FER1L6: variants seen among roughly 807,000 people sequenced by gnomAD.
The protein encoded by FER1L6 is fer-1 like family member 6.
Under a neutral mutation model 219.2 loss-of-function variants are expected in FER1L6, and 177 were observed. The ratio of observed to expected loss-of-function variants is 0.81; its 90% CI spans 0.71 to 0.91. The LOEUF (loss-of-function observed/expected upper bound fraction) is 0.91. Among genes scored for constraint, FER1L6 ranks in the 40% least tolerant of loss-of-function variants. The probability of loss-of-function intolerance (pLI) is 0.00; values close to 1 mark genes in which losing one functional copy is unlikely to be tolerated. For missense variants in FER1L6, 2,153 were observed against 2,259.9 expected, an observed-to-expected ratio of 0.95 and a Z score of 0.96; for synonymous variants, 768 against 824.3, an observed-to-expected ratio of 0.93 and a Z score of 1.17.
rs574922509 is a variant in FER1L6 at position 124,071,363 on chromosome 8, G to A, written c.3967-143G>A. The A allele has an allele frequency of 5.3e-4, 522 of 986,796 alleles. 8 individuals are homozygous for A. In the South Asian group the frequency reaches 7.8e-3, roughly 15 times the overall value. 61.1% of individuals were successfully genotyped at this position (986,796 alleles called of 1,614,324 possible). On this transcript the variant is annotated intron_variant, in intron 30 of 40. Transcript: ENST00000522917. ...CAAGCAGGCTACATAAATTGCCCAA[G>A]GACACCCAACTGGCAAGTTTAGCAC...
chr8:124,049,866 C>T (rs1162859086), intron 22 of FER1L6, 110 bp downstream of exon 22: 1 of 1,129,424 alleles, frequency 8.9e-7, no homozygotes, highest in African/African-American at 1.5e-5. Flanking sequence ...CGCTGCAATC[C>T]CACATCTGAA....
intron 6 of FER1L6, among the ~76,000 whole-genome samples, chr8:123,972,919 C>A (rs1488333034): frequency 2.0e-5 from 3 of 152,208 alleles, no homozygotes; most frequent in Non-Finnish European, 2.9e-5. Flanking sequence ...TGTAACCAAG[C>A]CAGGCCCTCT....
intron 39 of FER1L6, among the ~76,000 whole-genome samples, chr8:124,109,695 C>A (rs1352447617): frequency 1.3e-5 from 2 of 152,146 alleles, no homozygotes; most frequent in African/African-American, 2.4e-5. Context: ...GTTGCTCCTT[C>A]AGCAGTTCAT....
intron 31 of FER1L6, among the ~76,000 whole-genome samples, chr8:124,075,391 T>C (rs933199652): frequency 6.6e-6 from 1 of 152,200 alleles, no homozygotes; most frequent in African/African-American, 2.4e-5. Flanking sequence ...AATATCACTG[T>C]GTTCTACCTC....
chr8:124,065,968 C>T (rs1820814053), intron 26 of FER1L6, among the ~76,000 whole-genome samples: 1 of 152,198 alleles, frequency 6.6e-6, no homozygotes, highest in South Asian at 2.1e-4. Flanking sequence ...TGTACTTAAT[C>T]CTCAGAACAG....
intron 1 of FER1L6, among the ~76,000 whole-genome samples, chr8:123,885,616 GA>G (rs1208941198): frequency 2.0e-5 from 3 of 152,152 alleles, no homozygotes; most frequent in African/African-American, 7.2e-5. Flanking sequence ...CACAGATGAG[GA>G]AACTGAGCCA....
At position 123,852,469 on chromosome 8, in the gene FER1L6, TGC is replaced by T. The variant is rs1167227362; in HGVS notation, c.-8+286_-8+287del. 2.8e-5 allele frequency among the ~76,000 whole-genome samples: 3 copies of T among 107,208 alleles called. No homozygotes were observed. Among genetic ancestry groups the T allele is most frequent in the Non-Finnish European group, 5.7e-5 (3 of 53,060 alleles). 70.3% of individuals were successfully genotyped at this position (107,208 alleles called of 152,430 possible). Reference sequence around the variant, plus strand: ...TTGCTTGAACTCCATGTTGTGAGCATGCGTGTGTGTGTGTGTGTGTGTGTGTG... The same window carrying T: ...TTGCTTGAACTCCATGTTGTGAGCATGTGTGTGTGTGTGTGTGTGTGTGTG... On this transcript the variant is annotated intron_variant, in intron 1 of 40. Transcript: ENST00000522917. This position sits in a 1 kb window ranked among gnomAD's most constrained non-coding sequence, Gnocchi z 4.9.
At position 124,045,845 on chromosome 8, in the gene FER1L6, G is replaced by GTC; in HGVS notation, c.2668_2669insTC (p.Glu890ValfsTer9). 1.9e-6 allele frequency: 3 copies of GTC among 1,614,104 alleles called. No individual in the cohort carries two copies. The highest frequency in any genetic ancestry group is 2.5e-6 in the Non-Finnish European group (3 of 1,180,014). On this transcript the variant is annotated frameshift_variant, in exon 21 of 41. Transcript: ENST00000522917. LOFTEE classifies it high-confidence loss of function. ...TTTGGTGCTGCATGGAGATGTGAAG[G>GTC]AGCTGGCAGAGTCCCCGCCCTTAGT...
At chr8:123,898,135 AAAT>A (rs1287360871) in intron 1 of FER1L6, among the ~76,000 whole-genome samples, 2 of 152,188 alleles carry the variant, frequency 1.3e-5, no homozygotes, top group African/African-American at 4.8e-5. Context: ...TTAAGTGTAA[AAAT>A]AAAAAATCAG....
At position 124,069,489 on chromosome 8, in the gene FER1L6, C is replaced by CAGGCATCT; in HGVS notation, c.3834+15_3834+22dup. On this transcript the variant is annotated intron_variant, in intron 29 of 40. Transcript: ENST00000522917. ...GCCATCTTGCAGGTATGTGGGGACA[C>CAGGCATCT]AGGCATCTCTGCCATGGATGGGGAG... The CAGGCATCT allele has an allele frequency of 6.3e-7, 1 of 1,581,592 alleles. No homozygotes were observed. Among genetic ancestry groups the CAGGCATCT allele is most frequent in the Non-Finnish European group, 8.6e-7 (1 of 1,157,562 alleles).
At chr8:124,051,485 C>T (rs1820025442) in intron 22 of FER1L6, among the ~76,000 whole-genome samples, 1 of 152,102 alleles carries the variant, frequency 6.6e-6, no homozygotes, top group Admixed American at 6.6e-5. Flanking sequence ...CTGGGTTTCA[C>T]CTGCAAAATG....
Position 124,103,205 on chromosome 8 carries a change from G to C in FER1L6, c.5185G>C (p.Asp1729His). 2.5e-6 allele frequency: 4 copies of C among 1,614,116 alleles called. No individual in the cohort carries two copies. The South Asian group carries it at 3.3e-5, about 13-fold the overall frequency. Residue 1729 changes from aspartate (D) to histidine (H), a missense_variant, in exon 39 of 41, where the codon GAT (aspartate) becomes CAT (histidine). Coordinates refer to ENST00000522917, the MANE Select transcript of FER1L6 (RefSeq NM_001039112.2). ...PRAAKSAKAC[D>H]LAKFENASEE... is the part of the protein sequence containing the mutation. ...AGCAGCTAAGTCTGCCAAAGCCTGT[G>C]ATCTTGCCAAGTTTGAAAATGCAAG...
At chr8:124,104,749 CTATTA>C (rs1822693845) in intron 39 of FER1L6, among the ~76,000 whole-genome samples, 1 of 152,110 alleles carries the variant, frequency 6.6e-6, no homozygotes, top group Admixed American at 6.5e-5. Context: ...ATAATAGCAG[CTATTA>C]TATTTTATAT....
intron 1 of FER1L6, among the ~76,000 whole-genome samples, chr8:123,913,338 A>G (rs534240497): frequency 4.8e-4 from 73 of 152,258 alleles, no homozygotes; most frequent in African/African-American, 1.5e-3. Context: ...TTATTCACAC[A>G]CACACATATA....
intron 35 of FER1L6, among the ~76,000 whole-genome samples, chr8:124,096,548 C>T (rs1822301774): frequency 6.6e-6 from 1 of 152,322 alleles, no homozygotes. Context: ...ATGGAATCCA[C>T]AGGGCTTCTC....
At chr8:123,952,903 T>G (rs981941483) in intron 1 of FER1L6, among the ~76,000 whole-genome samples, 1 of 152,228 alleles carries the variant, frequency 6.6e-6, no homozygotes, top group African/African-American at 2.4e-5. Context: ...ACAAACATTG[T>G]TTTCTATTTT....
intron 3 of FER1L6, 49 bp from the exon 4 acceptor site, chr8:123,965,958 T>G: frequency 2.1e-6 from 3 of 1,448,510 alleles, no homozygotes; most frequent in Non-Finnish European, 2.9e-6. Flanking sequence ...TCATGACTTA[T>G]GGATATTCTT....
chr8:123,963,046 A>G (rs1310641092), intron 2 of FER1L6, among the ~76,000 whole-genome samples: 2 of 152,216 alleles, frequency 1.3e-5, no homozygotes, highest in Admixed American at 6.5e-5. Flanking sequence ...TCACAGTCCC[A>G]TCCACATAAA....
intron 39 of FER1L6, among the ~76,000 whole-genome samples, chr8:124,118,033 C>T (rs1031832391): frequency 1.3e-5 from 2 of 152,160 alleles, no homozygotes; most frequent in East Asian, 1.9e-4. Context: ...GAGAAATGAG[C>T]GTCTCTGTCA....
Sources: gnomAD v4.1 joint callset for allele counts (sites outside exome capture counted in the v4.1 genomes callset) on GRCh38, gnomAD v4.1.1 for gene constraint, Gnocchi (gnomAD v3.1) non-coding constraint, MANE v1.5 for transcripts, NCBI Gene and HGNC (gene_info 2026-07-23, HGNC 2026-07-21) for gene names.